DPP10: variants seen among roughly 807,000 people sequenced by gnomAD.
The protein encoded by DPP10 is dipeptidyl peptidase like 10, also known as inactive dipeptidyl peptidase 10.
A neutral mutation model predicts 120.9 loss-of-function variants in DPP10; 33 were observed. The ratio of observed to expected loss-of-function variants is 0.27; its 90% CI spans 0.21 to 0.37. DPP10 has a LOEUF of 0.37. DPP10 is among the 10% of genes least tolerant of loss of function. The pLI, the probability that DPP10 is intolerant of heterozygous loss-of-function variation, is 1.00. For synonymous variants in DPP10, 337 were observed against 326.1 expected (o/e 1.03, Z -0.36); for missense variants, 816 against 942.8 (o/e 0.87, Z 1.76).
At chr2:115,047,599 A>T (rs981489720) in intron 1 of DPP10, among the ~76,000 whole-genome samples, 1 of 152,092 alleles carries the variant, frequency 6.6e-6, no homozygotes, top group Non-Finnish European at 1.5e-5. Context: ...TAAAATAACA[A>T]TAGCCAATGT....
chr2:115,101,422 G>A (rs899171065), intron 1 of DPP10, among the ~76,000 whole-genome samples: 7 of 151,972 alleles, frequency 4.6e-5, no homozygotes, highest in African/African-American at 1.7e-4. Context: ...GAACTCTAGG[G>A]GTGTACATTG....
intron 3 of DPP10, among the ~76,000 whole-genome samples, chr2:115,486,605 A>G (rs1341024666): frequency 6.6e-6 from 1 of 152,102 alleles, no homozygotes; most frequent in East Asian, 1.9e-4. Flanking sequence ...AAGAGTGTTG[A>G]GTGTATGAGT....
At chr2:115,612,996 T>C (rs1241275418) in intron 5 of DPP10, among the ~76,000 whole-genome samples, 1 of 152,162 alleles carries the variant, frequency 6.6e-6, no homozygotes, top group Non-Finnish European at 1.5e-5. Context: ...AGCCTATGTT[T>C]CTCTTTTTAA....
In DPP10 at chr2:115,538,629, T is replaced by C. The variant is rs565373988; in HGVS notation, c.441+12657T>C. On this transcript the variant is annotated intron_variant, in intron 5 of 25. Transcript: ENST00000410059. The stretch of plus-strand genomic sequence containing the variant: ...TTTTATAAAAATCTGGCTCCCAAAA[T>C]GTAGCGTGAAGGATAGTAATGGACA... Among the ~76,000 whole-genome samples, 14 of 152,116 alleles carry C rather than the reference T, an allele frequency of 9.2e-5. 1 individual carries two copies. The highest frequency in any genetic ancestry group is 3.4e-4 in the African/African-American group (14 of 41,532).
At chr2:114,697,875 G>A (rs530697629) in intron 1 of DPP10, among the ~76,000 whole-genome samples, 1 of 151,914 alleles carries the variant, frequency 6.6e-6, no homozygotes, top group African/African-American at 2.4e-5. Flanking sequence ...TTACAACAGG[G>A]GCAGAAGTAC....
At chr2:114,715,411 GA>G (rs940635941) in intron 1 of DPP10, among the ~76,000 whole-genome samples, 10 of 151,504 alleles carry the variant, frequency 6.6e-5, no homozygotes, top group South Asian at 2.1e-4. Context: ...GGTTGAAAAT[GA>G]AAAAAAATCA....
chr2:115,416,089 T>G (rs904562542), intron 3 of DPP10, among the ~76,000 whole-genome samples: 1 of 151,996 alleles, frequency 6.6e-6, no homozygotes, highest in South Asian at 2.1e-4. Flanking sequence ...GTAATTAGAC[T>G]ACAGGGTGTC....
At chr2:115,330,257 T>C (rs1278759551) in intron 2 of DPP10, among the ~76,000 whole-genome samples, 4 of 152,228 alleles carry the variant, frequency 2.6e-5, no homozygotes, top group African/African-American at 9.6e-5. Flanking sequence ...TGTCTGTTCA[T>C]ATCTTTTGCC....
intron 1 of DPP10, among the ~76,000 whole-genome samples, chr2:114,863,704 A>C (rs1284859384): frequency 6.6e-6 from 1 of 152,248 alleles, no homozygotes; most frequent in Non-Finnish European, 1.5e-5. Context: ...TTCTTTAAAT[A>C]CTGGAAGGCT....
chr2:115,436,167 G>C (rs1316893412), intron 3 of DPP10, among the ~76,000 whole-genome samples: 2 of 151,730 alleles, frequency 1.3e-5, no homozygotes, highest in African/African-American at 4.8e-5. Context: ...TAATGTATTG[G>C]GTATGGAATA....
chr2:114,734,190 T>C (rs112284189), intron 1 of DPP10, among the ~76,000 whole-genome samples: 8 of 152,302 alleles, frequency 5.3e-5, no homozygotes, highest in African/African-American at 1.9e-4. Flanking sequence ...CCACATTCTA[T>C]AGAGAATTCC....
At chr2:115,160,074 T>C (rs1013294736) in intron 1 of DPP10, among the ~76,000 whole-genome samples, 3 of 152,218 alleles carry the variant, frequency 2.0e-5, no homozygotes, top group African/African-American at 7.2e-5. Flanking sequence ...AAGAATTACA[T>C]GTGAGGGAAT....
At chr2:115,512,924 T>A (rs1454856845) in intron 4 of DPP10, among the ~76,000 whole-genome samples, 1 of 152,100 alleles carries the variant, frequency 6.6e-6, no homozygotes, top group African/African-American at 2.4e-5. Flanking sequence ...TGTCTTCTAT[T>A]TTATTACTGA....
intron 1 of DPP10, among the ~76,000 whole-genome samples, chr2:115,140,872 G>A (rs2050890563): frequency 6.7e-6 from 1 of 149,770 alleles, no homozygotes; most frequent in Non-Finnish European, 1.5e-5. Context: ...TAATTATTTT[G>A]AGATACTTCT....
intron 1 of DPP10, among the ~76,000 whole-genome samples, chr2:115,106,610 C>A (rs1378638921): frequency 2.6e-5 from 4 of 151,248 alleles, no homozygotes; most frequent in African/African-American, 9.8e-5. Context: ...ACAGCGCATG[C>A]CACCACACCC....
intron 5 of DPP10, among the ~76,000 whole-genome samples, chr2:115,582,283 G>GA (rs68188339): frequency 0.2 from 107 of 524 alleles, no homozygotes; most frequent in African/African-American, 0.29. Flanking sequence ...ATGATCACTT[G>GA]GCATTTTTCC....
intron 1 of DPP10, among the ~76,000 whole-genome samples, chr2:115,192,664 G>A (rs1335926317): frequency 6.6e-6 from 1 of 152,118 alleles, no homozygotes; most frequent in Non-Finnish European, 1.5e-5. Context: ...TTTTATACCA[G>A]ATAAGCTAAA....
chr2:114,499,308 G>T (rs950452138), intron 1 of DPP10, among the ~76,000 whole-genome samples: 5 of 152,222 alleles, frequency 3.3e-5, no homozygotes, highest in African/African-American at 1.2e-4. Context: ...CCTTTGGAGT[G>T]AACTTTGAGC....
chr2:115,489,454 T>G (rs1437459923), intron 3 of DPP10, among the ~76,000 whole-genome samples: 1 of 151,990 alleles, frequency 6.6e-6, no homozygotes, highest in African/African-American at 2.4e-5. Flanking sequence ...ATCTCCTTCC[T>G]TTTGGAATTT....
Sources: allele counts gnomAD v4.1 joint callset (sites outside exome capture counted in the v4.1 genomes callset), GRCh38; gene constraint gnomAD v4.1.1; transcripts MANE v1.5; gene names NCBI Gene and HGNC (gene_info 2026-07-23, HGNC 2026-07-21).